Variants in RAPGEF4 observed in about 807,000 individuals in gnomAD.
RAPGEF4 encodes RAP guanine-nucleotide-exchange factor (GEF) 4.
RAPGEF4 carries 66 observed loss-of-function variants against 147.9 expected under a neutral mutation model. That is an observed-to-expected ratio of 0.45 (90% CI 0.37 to 0.55). RAPGEF4 has a LOEUF of 0.55. Among genes scored for constraint, RAPGEF4 ranks in the 20% least tolerant of loss-of-function variants. The pLI is 0.00. For missense variants in RAPGEF4, 1,071 were observed against 1,257.3 expected, an observed-to-expected ratio of 0.85 and a Z score of 2.24; for synonymous variants, 419 against 442.7, an observed-to-expected ratio of 0.95 and a Z score of 0.67.
chr2:172,881,313 G>T (rs1696597782), intron 4 of RAPGEF4, among the ~76,000 whole-genome samples: 1 of 152,188 alleles, frequency 6.6e-6, no homozygotes, highest in East Asian at 1.9e-4. Flanking sequence ...TAATTGTGTA[G>T]AAATAAGAGT....
At chr2:172,966,345 G>A (rs1349419883) in intron 9 of RAPGEF4, among the ~76,000 whole-genome samples, 2 of 152,118 alleles carry the variant, frequency 1.3e-5, no homozygotes, top group African/African-American at 4.8e-5. Context: ...TAATGGTTTT[G>A]CCAGCGTTTC....
At chr2:172,943,397 G>A (rs1010543822) in intron 6 of RAPGEF4, among the ~76,000 whole-genome samples, 9 of 152,196 alleles carry the variant, frequency 5.9e-5, no homozygotes, top group African/African-American at 1.9e-4. Context: ...GTTAACCAGA[G>A]AGTTCCTATC....
intron 10 of RAPGEF4, among the ~76,000 whole-genome samples, chr2:172,978,759 T>TCG (rs570837500): frequency 6.6e-6 from 1 of 152,262 alleles, no homozygotes; most frequent in Non-Finnish European, 1.5e-5. Flanking sequence ...CATTCTTTTC[T>TCG]CGTCTGCTCT....
intron 9 of RAPGEF4, among the ~76,000 whole-genome samples, chr2:172,966,809 A>G (rs923136358): frequency 3.3e-5 from 5 of 152,240 alleles, no homozygotes; most frequent in Admixed American, 1.3e-4. Flanking sequence ...TACAGTTGAT[A>G]AACAGTACAT....
rs763386400 is a variant in RAPGEF4, at chr2:173,014,564, A to G, written c.1759A>G (p.Met587Val). 6.2e-7 allele frequency: 1 copy of G among 1,614,124 alleles called. No homozygotes were observed. The highest frequency in any genetic ancestry group is 8.5e-7 in the Non-Finnish European group (1 of 1,179,988). ...CCGCCTGGTTCTACAGTGGGCTGCC[A>G]TGTATGGAGACCTCCTGCAAGAGGA... ...VIRLVLQWAA[M>V]YGDLLQEDDV... The change falls in exon 18 of 31, where the codon ATG (methionine) becomes GTG (valine). Residue 587 changes from methionine (M) to valine (V), a missense_variant. By Grantham distance (21) the Met-to-Val change is conservative. Transcript: ENST00000397081.
intron 10 of RAPGEF4, among the ~76,000 whole-genome samples, chr2:172,977,073 A>G (rs1488933730): frequency 6.6e-6 from 1 of 152,228 alleles, no homozygotes; most frequent in East Asian, 1.9e-4. Context: ...AAGACCAGGT[A>G]CATTCACCGG....
At chr2:173,019,708 AG>A (rs1268076965) in intron 22 of RAPGEF4, among the ~76,000 whole-genome samples, 2 of 152,204 alleles carry the variant, frequency 1.3e-5, no homozygotes, top group East Asian at 3.9e-4. Flanking sequence ...CACAAGGCCC[AG>A]GATGTCTGCC....
Position 173,037,364 on chromosome 2 carries a change from G to C in RAPGEF4, c.2853+672G>C, listed in dbSNP as rs138448611. 3.3e-5 allele frequency among the ~76,000 whole-genome samples: 5 copies of C among 152,232 alleles called. No individual in the cohort carries two copies. In the East Asian group the frequency reaches 7.7e-4, roughly 24 times the overall value. On this transcript the variant is annotated intron_variant, in intron 29 of 30. Coordinates refer to ENST00000397081, the MANE Select transcript of RAPGEF4 (RefSeq NM_007023.4). ...GCCTCCCTAGGTGCTGGGATTACAG[G>C]CATCAGCCACTGCGCCTGGCCTAGA...
In RAPGEF4 at chr2:172,772,308, TTTATATTATTTTATTATTTATATTA is replaced by T. The variant is rs1174642703; in HGVS notation, c.66-22714_66-22690del. On this transcript the variant is annotated intron_variant, in intron 1 of 30. Coordinates refer to ENST00000397081, the MANE Select transcript of RAPGEF4 (RefSeq NM_007023.4). ...CAGAATAAAATGTTATTTTATGTTT[TTTATATTATTTTATTATTTATATTA>T]TTTTATTATTTTATTTAATTATTTT... is the stretch of plus-strand genomic sequence containing the variant. 1.3e-4 allele frequency among the ~76,000 whole-genome samples: 19 copies of T among 142,792 alleles called. No individual in the cohort carries two copies. In the South Asian group the frequency reaches 3.5e-3, roughly 27 times the overall value. The allele number at this position is 142,792 out of a possible 152,430, so 93.7% of individuals were successfully genotyped here.
chr2:172,919,907 G>A (rs1352873630), intron 5 of RAPGEF4, among the ~76,000 whole-genome samples: 1 of 152,002 alleles, frequency 6.6e-6, no homozygotes, highest in African/African-American at 2.4e-5. Context: ...CCCGGGCCCA[G>A]CGCCCTTCCT....
At chr2:172,789,115 A>G (rs1189753607) in intron 1 of RAPGEF4, among the ~76,000 whole-genome samples, 1 of 152,230 alleles carries the variant, frequency 6.6e-6, no homozygotes, top group Non-Finnish European at 1.5e-5. Flanking sequence ...AGCTGTCTTC[A>G]TCAGTGCCAG....
intron 5 of RAPGEF4, among the ~76,000 whole-genome samples, chr2:172,920,967 C>T (rs1003257473): frequency 4.6e-5 from 7 of 152,096 alleles, no homozygotes; most frequent in East Asian, 1.9e-4. Context: ...TTTCTGACTG[C>T]GTTTTTATGT....
chr2:172,841,721 G>C (rs954584829), intron 4 of RAPGEF4, among the ~76,000 whole-genome samples: 4 of 151,608 alleles, frequency 2.6e-5, no homozygotes, highest in Non-Finnish European at 5.9e-5. Context: ...CAAAATGGCC[G>C]TTTAGGATTT....
At chr2:172,857,174 G>GCGCACA (rs1491278756) in intron 4 of RAPGEF4, among the ~76,000 whole-genome samples, 79 of 150,160 alleles carry the variant, frequency 5.3e-4, no homozygotes, top group African/African-American at 1.8e-3. Context: ...GTGTGCGCGC[G>GCGCACA]CACACACACA....
chr2:172,736,316 T>G, intron 1 of RAPGEF4: 2 of 275,256 alleles, frequency 7.3e-6, no homozygotes, highest in Non-Finnish European at 1.3e-5. Context: ...TCCAACCCCC[T>G]GCCCTGCCGC....
At chr2:172,821,735 GTTA>G in intron 4 of RAPGEF4, 1 of 501,198 alleles carries the variant, frequency 2.0e-6, no homozygotes, top group Non-Finnish European at 2.5e-6. Flanking sequence ...GCTAACTAAA[GTTA>G]AAAAAAAAAA....
chr2:172,938,880 A>G (rs1185103106), intron 6 of RAPGEF4, among the ~76,000 whole-genome samples: 1 of 152,148 alleles, frequency 6.6e-6, no homozygotes, highest in Non-Finnish European at 1.5e-5. Context: ...CAATTTGTTT[A>G]CTCTCGATAA....
At chr2:173,045,743 G>C (rs1354178878) in intron 29 of RAPGEF4, among the ~76,000 whole-genome samples, 1 of 152,144 alleles carries the variant, frequency 6.6e-6, no homozygotes, top group Non-Finnish European at 1.5e-5. Flanking sequence ...AATGAAACAG[G>C]CTATTTTTGG....
At chr2:172,864,503 A>T (rs2149788769) in intron 4 of RAPGEF4, among the ~76,000 whole-genome samples, 1 of 152,276 alleles carries the variant, frequency 6.6e-6, no homozygotes, top group South Asian at 2.1e-4. Flanking sequence ...CCCCCGATTT[A>T]GGTCCCCCTT....
Sources: gnomAD v4.1 joint callset for allele counts (sites outside exome capture counted in the v4.1 genomes callset) on GRCh38, gnomAD v4.1.1 for gene constraint, MANE v1.5 for transcripts, NCBI Gene and HGNC (gene_info 2026-07-23, HGNC 2026-07-21) for gene names.